CCBE1: variants seen among roughly 807,000 people sequenced by gnomAD.
The protein encoded by CCBE1 is collagen and calcium-binding EGF domain-containing protein 1.
A neutral mutation model predicts 50.0 loss-of-function variants in CCBE1; 37 were observed. The observed-to-expected ratio is 0.74, with a 90% CI of 0.57 to 0.97. CCBE1 has a LOEUF of 0.97. Ranked by LOEUF, CCBE1 falls within the 50% of genes least tolerant of loss-of-function variation. The pLI, the probability that CCBE1 is intolerant of heterozygous loss-of-function variation, is 0.00. For synonymous variants in CCBE1, 234 were observed against 203.7 expected, an observed-to-expected ratio of 1.15 and a Z score of -1.27; for missense variants, 538 against 523.8, an observed-to-expected ratio of 1.03 and a Z score of -0.26.
chr18:59,549,285 G>C (rs1033744998), intron 2 of CCBE1, among the ~76,000 whole-genome samples: 1 of 151,990 alleles, frequency 6.6e-6, no homozygotes, highest in Non-Finnish European at 1.5e-5. Flanking sequence ...AATGCATCAG[G>C]ATGAATGCAA....
At chr18:59,601,497 G>A (rs1173638976) in intron 2 of CCBE1, among the ~76,000 whole-genome samples, 1 of 152,124 alleles carries the variant, frequency 6.6e-6, no homozygotes, top group African/African-American at 2.4e-5. Context: ...CCAGCCGTGT[G>A]GAACTGTGAG....
In CCBE1 at chr18:59,632,932, G is replaced by C. The variant is rs540078971; in HGVS notation, c.212+63697C>G. 1.3e-4 allele frequency among the ~76,000 whole-genome samples: 20 copies of C among 152,262 alleles called. 1 individual carries two copies. The South Asian group carries it at 4.2e-3, about 32-fold the overall frequency. Reference sequence around the variant, plus strand: ...CGAGGAACAATCTTCTAAAGCAGAAGGGCACAGGAGAGTAGACCAAGGGGA... The same window carrying C: ...CGAGGAACAATCTTCTAAAGCAGAACGGCACAGGAGAGTAGACCAAGGGGA... On this transcript the variant is annotated intron_variant, in intron 2 of 10. Coordinates refer to ENST00000439986, the MANE Select transcript of CCBE1 (RefSeq NM_133459.4).
At chr18:59,457,321 T>C (rs905741510) in intron 5 of CCBE1, among the ~76,000 whole-genome samples, 4 of 152,138 alleles carry the variant, frequency 2.6e-5, no homozygotes, top group African/African-American at 7.2e-5. Context: ...GTATCAGAGA[T>C]GGTAGAGTGA....
intron 3 of CCBE1, among the ~76,000 whole-genome samples, chr18:59,471,868 G>A (rs1449189193): frequency 6.6e-6 from 1 of 152,208 alleles, no homozygotes; most frequent in Admixed American, 6.5e-5. Flanking sequence ...CATCCCACTA[G>A]CAGACTGTTT....
At chr18:59,655,660 G>A (rs2144675421) in intron 2 of CCBE1, among the ~76,000 whole-genome samples, 1 of 152,318 alleles carries the variant, frequency 6.6e-6, no homozygotes, top group South Asian at 2.1e-4. Context: ...AGAATAGGCA[G>A]CAGTCAGACT....
At chr18:59,626,753 C>G (rs2053790744) in intron 2 of CCBE1, among the ~76,000 whole-genome samples, 1 of 152,244 alleles carries the variant, frequency 6.6e-6, no homozygotes, top group Admixed American at 6.5e-5. Flanking sequence ...GCTATGCCAC[C>G]TCTATGGGAA....
intron 2 of CCBE1, among the ~76,000 whole-genome samples, chr18:59,535,711 G>A (rs1319329480): frequency 6.6e-6 from 1 of 152,160 alleles, no homozygotes; most frequent in Non-Finnish European, 1.5e-5. Context: ...ACAATGTAAA[G>A]CATTAAAATG....
At chr18:59,542,675 A>T (rs1296340708) in intron 2 of CCBE1, among the ~76,000 whole-genome samples, 2 of 152,218 alleles carry the variant, frequency 1.3e-5, no homozygotes, top group Admixed American at 1.3e-4. Flanking sequence ...ACCACTGCTA[A>T]AATGTGCCTG....
intron 2 of CCBE1, among the ~76,000 whole-genome samples, chr18:59,588,420 G>A (rs1019934972): frequency 1.3e-5 from 2 of 152,074 alleles, no homozygotes; most frequent in African/African-American, 2.4e-5. Flanking sequence ...AAAAAAAGAG[G>A]TAAATATTTC....
intron 6 of CCBE1, among the ~76,000 whole-genome samples, chr18:59,454,114 T>G (rs1911066589): frequency 6.6e-6 from 1 of 152,210 alleles, no homozygotes; most frequent in Non-Finnish European, 1.5e-5. Flanking sequence ...CTCACCAGCT[T>G]ATGGCAGTTT....
At chr18:59,600,570 T>C (rs900177020) in intron 2 of CCBE1, among the ~76,000 whole-genome samples, 1 of 152,076 alleles carries the variant, frequency 6.6e-6, no homozygotes, top group African/African-American at 2.4e-5. Flanking sequence ...CAATGAACAA[T>C]GTAGGTTCCA....
At chr18:59,593,389 G>T (rs2053303070) in intron 2 of CCBE1, among the ~76,000 whole-genome samples, 1 of 152,132 alleles carries the variant, frequency 6.6e-6, no homozygotes, top group African/African-American at 2.4e-5. Flanking sequence ...TTTTATATTA[G>T]CTTAAGAAAA....
At chr18:59,674,128 T>C (rs551581285) in intron 2 of CCBE1, among the ~76,000 whole-genome samples, 1 of 152,342 alleles carries the variant, frequency 6.6e-6, no homozygotes. Flanking sequence ...GAACTTGTTA[T>C]ATACCCAAAG....
intron 2 of CCBE1, among the ~76,000 whole-genome samples, chr18:59,680,380 G>T (rs796981789): frequency 2.6e-5 from 4 of 152,132 alleles, no homozygotes; most frequent in African/African-American, 9.6e-5. Context: ...GGGGGCCCAA[G>T]ATATTTTCCT....
rs71177045 is a variant in CCBE1 at position 59,601,010 on chromosome 18, G to GTTTTTTTTTTTTTTTTTTTT, written c.212+95599_212+95618dup. 1.6e-4 allele frequency among the ~76,000 whole-genome samples: 9 copies of GTTTTTTTTTTTTTTTTTTTT among 58,014 alleles called. 2 individuals are homozygous for GTTTTTTTTTTTTTTTTTTTT. The highest frequency in any genetic ancestry group is 2.1e-4 in the African/African-American group (4 of 18,618). The allele number at this position is 58,014 out of a possible 152,430, so 38.1% of individuals were successfully genotyped here. A position where few individuals can be genotyped will look rare whatever the true frequency, so the allele number is the denominator to read the frequency against. On this transcript the variant is annotated intron_variant, in intron 2 of 10. Transcript: ENST00000439986. The stretch of plus-strand genomic sequence containing the variant: ...GATCTATTTTATTAGCTATGTGTCA[G>GTTTTTTTTTTTTTTTTTTTT]TTTTTTTTTTTTTTTTTTTTTTTTT...
intron 2 of CCBE1, among the ~76,000 whole-genome samples, chr18:59,665,251 G>A (rs1165102493): frequency 6.6e-6 from 1 of 152,000 alleles, no homozygotes; most frequent in Non-Finnish European, 1.5e-5. Context: ...AACTTCAGGT[G>A]ACAGAGAAGA....
At chr18:59,508,466 A>G (rs1195590333) in intron 2 of CCBE1, among the ~76,000 whole-genome samples, 2 of 151,794 alleles carry the variant, frequency 1.3e-5, no homozygotes, top group African/African-American at 4.8e-5. Flanking sequence ...ATATGGTGGC[A>G]CATGCCTGTA....
intron 2 of CCBE1, among the ~76,000 whole-genome samples, chr18:59,612,322 AAAAAAAAG>A (rs1474632277): frequency 2.5e-5 from 3 of 121,808 alleles, no homozygotes; most frequent in Admixed American, 1.7e-4. Context: ...AAAAGGGAAG[AAAAAAAAG>A]AAAAAAAAAA....
chr18:59,617,258 G>A (rs1032152054), intron 2 of CCBE1, among the ~76,000 whole-genome samples: 7 of 152,176 alleles, frequency 4.6e-5, no homozygotes, highest in African/African-American at 1.2e-4. Flanking sequence ...TCTTTTGCAC[G>A]TCCCATTATT....
Sources: allele counts gnomAD v4.1 joint callset (sites outside exome capture counted in the v4.1 genomes callset), GRCh38; gene constraint gnomAD v4.1.1; transcripts MANE v1.5; gene names NCBI Gene and HGNC (gene_info 2026-07-23, HGNC 2026-07-21).